FXYD7: variants seen among roughly 807,000 people sequenced by gnomAD.
FXYD7 encodes FXYD domain-containing ion transport regulator 7.
A neutral mutation model predicts 15.3 loss-of-function variants in FXYD7; 7 were observed. That is an observed-to-expected ratio of 0.46 (90% confidence interval 0.26 to 0.86). The LOEUF is 0.86. FXYD7 is among the 40% of genes least tolerant of loss of function. The pLI, the probability that FXYD7 is intolerant of heterozygous loss-of-function variation, is 0.16. For missense variants in FXYD7, 78 were observed against 100.6 expected (o/e 0.78, Z 0.96); for synonymous variants, 39 against 39.3 (o/e 0.99, Z 0.03).
chr19:35,145,055 T>C (rs2065284549), intron 1 of FXYD7, among the ~76,000 whole-genome samples: 1 of 151,970 alleles, frequency 6.6e-6, no homozygotes, highest in African/African-American at 2.4e-5. Context: ...ATCCCTGAAA[T>C]GGACCCTTAG....
chr19:35,151,357 C>T, intron 3 of FXYD7, 29 bp downstream of exon 3: 1 of 1,595,376 alleles, frequency 6.3e-7, no homozygotes, highest in South Asian at 1.1e-5. Context: ...TGGGCTGCCT[C>T]AGCCTCCGCT....
At position 35,151,834 on chromosome 19, in the gene FXYD7, C is replaced by T. The variant is rs1045730656; in HGVS notation, c.220+161C>T. Reference sequence around the variant, plus strand: ...ATTCCCTAGGAAGCTGAGGAAATTCCGCAGATGAAAGATGCTAAACCTGGC... The same window carrying T: ...ATTCCCTAGGAAGCTGAGGAAATTCTGCAGATGAAAGATGCTAAACCTGGC... On this transcript the variant is annotated intron_variant, in intron 5 of 5. Coordinates refer to ENST00000270310, the MANE Select transcript of FXYD7 (RefSeq NM_022006.2). Among the ~76,000 whole-genome samples the T allele has an allele frequency of 2.0e-5, 3 of 151,930 alleles. No individual in the cohort carries two copies. The South Asian group carries it at 6.2e-4, about 32-fold the overall frequency.
chr19:35,151,257 A>G lies in FXYD7; in HGVS notation c.65A>G (p.Tyr22Cys). ...TGTCCCCCATTATCTTCCCCAGACT[A>G]CAACACGGTGCAGACTGTGGGCATG... ...PEEPDPFYYD[Y>C]NTVQTVGMTL... The change falls in exon 3 of 6, where the codon TAC becomes TGC. Residue 22 changes from tyrosine to cysteine, a missense_variant. By Grantham distance (194) the Tyr-to-Cys change is radical. Transcript: ENST00000270310. 2 of 1,594,298 alleles carry G rather than the reference A, an allele frequency of 1.3e-6. No homozygotes were observed. Among genetic ancestry groups the G allele is most frequent in the Non-Finnish European group, 1.7e-6 (2 of 1,162,068 alleles).
At chr19:35,144,512 C>T (rs897458595) in intron 1 of FXYD7, among the ~76,000 whole-genome samples, 9 of 152,146 alleles carry the variant, frequency 5.9e-5, no homozygotes, top group African/African-American at 1.9e-4. Context: ...GGGCAGGGGA[C>T]CAGGGGTGCT....
At chr19:35,153,788 C>T in intron 5 of FXYD7, 106 bp from the exon 6 acceptor site, 1 of 1,024,184 alleles carries the variant, frequency 9.8e-7, no homozygotes, top group Non-Finnish European at 1.5e-6. Context: ...GGTGACAGTC[C>T]CTGGGGTCTG....
rs553977205 is a variant in FXYD7, at chr19:35,148,548, C to A, written c.32-146C>A. 6.1e-6 allele frequency: 4 copies of A among 654,232 alleles called. No homozygotes were observed. In the Admixed American group the frequency reaches 1.2e-4, roughly 20 times the overall value. 40.5% of individuals were successfully genotyped at this position (654,232 alleles called of 1,614,324 possible). A position where few individuals can be genotyped will look rare whatever the true frequency, so the allele number is the denominator to read the frequency against. Reference sequence around the variant, plus strand: ...TCCAGCCTTGCGGCCTGCCATGAGGCCACATCATCCAAACCAAGGGGTCTC... The same window carrying A: ...TCCAGCCTTGCGGCCTGCCATGAGGACACATCATCCAAACCAAGGGGTCTC... On this transcript the variant is annotated intron_variant, in intron 1 of 5. Coordinates refer to ENST00000270310, the MANE Select transcript of FXYD7 (RefSeq NM_022006.2).
rs1157944718 is a variant in FXYD7, at chr19:35,154,064, T to G, written c.*148T>G. ...CCCCAAGGCTGGAGCCGCTGCACCCTGCTGTCCCTCTCCAGGCCTTGGCAA... is the reference window on the plus strand; with the variant it reads ...CCCCAAGGCTGGAGCCGCTGCACCCGGCTGTCCCTCTCCAGGCCTTGGCAA... On this transcript the variant is annotated 3_prime_UTR_variant, in exon 6 of 6. Transcript: ENST00000270310. 2 of 677,356 alleles carry G rather than the reference T, an allele frequency of 3.0e-6. No homozygotes were observed. Among genetic ancestry groups the G allele is most frequent in the African/African-American group, 3.7e-5 (2 of 54,444 alleles). 42.0% of individuals were successfully genotyped at this position (677,356 alleles called of 1,614,324 possible).
At chr19:35,153,044 T>TTTTTTTTTTTTTG (rs2065320683) in intron 5 of FXYD7, among the ~76,000 whole-genome samples, 1 of 119,566 alleles carries the variant, frequency 8.4e-6, no homozygotes, top group Non-Finnish European at 1.8e-5. Context: ...TTTTTTTTTT[T>TTTTTTTTTTTTTG]TTTTTTTTTT....
intron 1 of FXYD7, among the ~76,000 whole-genome samples, chr19:35,148,019 GAAAGAAGGAAAGAAAGAAAGAAA>G (rs2065294671): frequency 3.4e-5 from 3 of 88,998 alleles, no homozygotes; most frequent in African/African-American, 4.6e-5. Context: ...AAAGAAAGAA[GAAAGAAGGAAAGAAAGAAAGAAA>G]GAAAGAAAGA....
rs532207495 is a variant in FXYD7, at chr19:35,147,823, G to A, written c.32-871G>A. On this transcript the variant is annotated intron_variant, in intron 1 of 5. Transcript: ENST00000270310. ...AGCCCAGCCAACATGGTGAAATCCCGTCTGTACTAAAAATACAAAAATTAG... is the reference window on the plus strand; with the variant it reads ...AGCCCAGCCAACATGGTGAAATCCCATCTGTACTAAAAATACAAAAATTAG... Among the ~76,000 whole-genome samples, 82 of 151,802 alleles carry A rather than the reference G, an allele frequency of 5.4e-4. No individual in the cohort carries two copies. The South Asian group carries it at 0.013, about 24-fold the overall frequency.
At chr19:35,144,601 G>C (rs899788576) in intron 1 of FXYD7, among the ~76,000 whole-genome samples, 1 of 148,714 alleles carries the variant, frequency 6.7e-6, no homozygotes, top group Non-Finnish European at 1.5e-5. Flanking sequence ...GCAGGCGGGG[G>C]CTGCTGCACT....
chr19:35,150,536 G>T (rs182083563), intron 2 of FXYD7, among the ~76,000 whole-genome samples: 1 of 152,344 alleles, frequency 6.6e-6, no homozygotes, highest in Non-Finnish European at 1.5e-5. Flanking sequence ...CAGAGGTTTT[G>T]CTCACAATCA....
rs1331858475 is a variant in FXYD7 at position 35,148,044 on chromosome 19, AAAGAAAGAAAG to A, written c.32-647_32-637del. 2.7e-5 allele frequency among the ~76,000 whole-genome samples: 3 copies of A among 111,986 alleles called. No individual in the cohort carries two copies. In the East Asian group the frequency reaches 7.0e-4, roughly 26 times the overall value. The allele number at this position is 111,986 out of a possible 152,430, so 73.5% of individuals were successfully genotyped here. A position where few individuals can be genotyped will look rare whatever the true frequency, so the allele number is the denominator to read the frequency against. Reference sequence around the variant, plus strand: ...GAAAGAAGGAAAGAAAGAAAGAAAGAAAGAAAGAAAGAAAGAAAGAAAGAAAGAAAGAAAGA... The same window carrying A: ...GAAAGAAGGAAAGAAAGAAAGAAAGAAAAGAAAGAAAGAAAGAAAGAAAGA... On this transcript the variant is annotated intron_variant, in intron 1 of 5. Transcript: ENST00000270310.
chr19:35,149,874 C>T (rs1387530273), intron 2 of FXYD7, among the ~76,000 whole-genome samples: 2 of 152,066 alleles, frequency 1.3e-5, no homozygotes, highest in African/African-American at 2.4e-5. Context: ...GCAGGAGGAT[C>T]GCTCAAGTCC....
intron 2 of FXYD7, 66 bp downstream of exon 2, chr19:35,148,789 G>A (rs752954133): frequency 7.0e-5 from 98 of 1,390,322 alleles, no homozygotes; most frequent in Non-Finnish European, 9.0e-5. Context: ...AGATCACTCC[G>A]GACATGGCTT....
intron 1 of FXYD7, among the ~76,000 whole-genome samples, chr19:35,144,641 C>CG (rs1029480823): frequency 1.1e-4 from 5 of 45,460 alleles, no homozygotes; most frequent in African/African-American, 2.7e-4. Context: ...CGAAGCAGGG[C>CG]GGGGGGTGGG....
chr19:35,153,045 T>G (rs1468384134), intron 5 of FXYD7, among the ~76,000 whole-genome samples: 4 of 120,598 alleles, frequency 3.3e-5, no homozygotes, highest in Non-Finnish European at 5.2e-5. Flanking sequence ...TTTTTTTTTT[T>G]TTTTTTTTTT....
chr19:35,148,047 GAAAGAAAGAAAGA>G (rs2065295550), intron 1 of FXYD7, among the ~76,000 whole-genome samples: 1 of 90,668 alleles, frequency 1.1e-5, no homozygotes, highest in Non-Finnish European at 2.0e-5. Flanking sequence ...AAGAAAGAAA[GAAAGAAAGAAAGA>G]AAGAAAGAAA....
chr19:35,152,378 G>C (rs982602426), intron 5 of FXYD7, among the ~76,000 whole-genome samples: 3 of 151,970 alleles, frequency 2.0e-5, no homozygotes, highest in Admixed American at 6.6e-5. Context: ...TGTCAATCAG[G>C]AGGGAGAGAG....
Sources: allele counts gnomAD v4.1 joint callset (sites outside exome capture counted in the v4.1 genomes callset), GRCh38; gene constraint gnomAD v4.1.1; transcripts MANE v1.5; gene names NCBI Gene and HGNC (gene_info 2026-07-23, HGNC 2026-07-21).